Variants in HMGN5 observed in about 807,000 individuals in gnomAD.
The protein encoded by HMGN5 is high mobility group nucleosome binding domain 5.
HMGN5 carries 4 observed loss-of-function variants against 9.5 expected under a neutral mutation model. The observed-to-expected ratio is 0.42, with a 90% CI of 0.21 to 0.96. The LOEUF is 0.96. Among genes scored for constraint, HMGN5 ranks in the 40% least tolerant of loss-of-function variants. The probability of loss-of-function intolerance (pLI) is 0.30; values close to 1 mark genes in which losing one functional copy is unlikely to be tolerated. For missense variants in HMGN5, 192 were observed against 187.5 expected (o/e 1.02, Z -0.14); for synonymous variants, 55 against 57.1 (o/e 0.96, Z 0.16).
intron 5 of HMGN5, 107 bp downstream of exon 5, chrX:81,118,325 A>G: frequency 2.2e-6 from 1 of 456,133 alleles, no homozygotes; most frequent in Admixed American, 4.6e-5. Flanking sequence ...TATATTACTA[A>G]CTGAACAAAA....
intron 1 of HMGN5, among the ~76,000 whole-genome samples, chrX:81,153,587 ATATAT>A (rs2075373666): frequency 2.9e-4 from 1 of 3,393 alleles, no homozygotes; most frequent in African/African-American, 1.1e-3. Context: ...CTCTCTCTAT[ATATAT>A]ATATATATAT....
chrX:81,146,162 C>T (rs890582849), intron 1 of HMGN5, among the ~76,000 whole-genome samples: 2 of 111,754 alleles, frequency 1.8e-5, no homozygotes, highest in Non-Finnish European at 3.8e-5. Flanking sequence ...TAAAAGACAT[C>T]TACAGAACTC....
intron 1 of HMGN5, among the ~76,000 whole-genome samples, chrX:81,173,362 A>C (rs1349810636): frequency 9.0e-6 from 1 of 111,420 alleles, no homozygotes; most frequent in African/African-American, 3.2e-5. Flanking sequence ...TTGCTTTTAC[A>C]TAAAGAAACA....
intron 1 of HMGN5, among the ~76,000 whole-genome samples, chrX:81,140,063 G>C (rs1396313277): frequency 1.8e-5 from 2 of 111,914 alleles, no homozygotes; most frequent in African/African-American, 3.2e-5. Context: ...AGGCTGCATA[G>C]CTGGCAGTCT....
Position 81,114,483 on chromosome X carries a change from C to G in HMGN5, c.*166G>C, listed in dbSNP as rs2075246523. Reference sequence around the variant, plus strand: ...TCACAAAATTTATAGATAAATGTTTCATGTTAGAAACTTTATGGCTAATAA... The same window carrying G: ...TCACAAAATTTATAGATAAATGTTTGATGTTAGAAACTTTATGGCTAATAA... On this transcript the variant is annotated 3_prime_UTR_variant, in exon 7 of 7. Coordinates refer to ENST00000358130, the MANE Select transcript of HMGN5 (RefSeq NM_030763.3). 4.7e-6 allele frequency: 2 copies of G among 429,413 alleles called. No homozygotes were observed. The highest frequency in any genetic ancestry group is 5.5e-5 in the Admixed American group (1 of 18,049). 35.4% of individuals were successfully genotyped at this position (429,413 alleles called of 1,213,427 possible). A position where few individuals can be genotyped will look rare whatever the true frequency, so the allele number is the denominator to read the frequency against.
intron 1 of HMGN5, among the ~76,000 whole-genome samples, chrX:81,191,413 T>C (rs1402729967): frequency 8.9e-6 from 1 of 112,269 alleles, no homozygotes; most frequent in Non-Finnish European, 1.9e-5. Flanking sequence ...GCTTTTTATA[T>C]ACATCTTTTA....
chrX:81,129,543 T>C (rs1053898228), intron 1 of HMGN5, among the ~76,000 whole-genome samples: 2 of 111,240 alleles, frequency 1.8e-5, no homozygotes, highest in African/African-American at 3.3e-5. Flanking sequence ...TTTTATGTAG[T>C]CTTATTATTT....
chrX:81,192,722 G>A (rs777097397), intron 1 of HMGN5, among the ~76,000 whole-genome samples: 1 of 111,898 alleles, frequency 8.9e-6, no homozygotes, highest in Non-Finnish European at 1.9e-5. Flanking sequence ...GTTTGTAAGG[G>A]ATATTTTTGT....
chrX:81,147,215 A>G (rs998634721), intron 1 of HMGN5, among the ~76,000 whole-genome samples: 3 of 111,694 alleles, frequency 2.7e-5, no homozygotes, highest in Admixed American at 9.5e-5. Flanking sequence ...ATAGGACAGT[A>G]CCCTTAGTGA....
chrX:81,119,751 G>T (rs759606559), intron 3 of HMGN5, 37 bp downstream of exon 3: 9 of 1,165,621 alleles, frequency 7.7e-6, no homozygotes, highest in Non-Finnish European at 1.1e-5. Flanking sequence ...AAAACGAGTG[G>T]TTTTTCCTAA....
intron 1 of HMGN5, among the ~76,000 whole-genome samples, chrX:81,137,997 C>T (rs1185744054): frequency 1.8e-5 from 2 of 111,567 alleles, no homozygotes; most frequent in African/African-American, 3.2e-5. Context: ...ATCTCAACCA[C>T]GATGAATAAT....
intron 1 of HMGN5, among the ~76,000 whole-genome samples, chrX:81,149,820 T>C (rs1160184206): frequency 8.9e-6 from 1 of 111,994 alleles, no homozygotes; most frequent in Non-Finnish European, 1.9e-5. Flanking sequence ...AGATGGTTAC[T>C]ATATAATCAT....
At chrX:81,174,331 G>A (rs1009624804) in intron 1 of HMGN5, among the ~76,000 whole-genome samples, 14 of 111,199 alleles carry the variant, frequency 1.3e-4, no homozygotes, top group Non-Finnish European at 2.3e-4. Flanking sequence ...ACTGATAAGG[G>A]TAGAATAACA....
intron 2 of HMGN5, among the ~76,000 whole-genome samples, chrX:81,121,275 T>TA (rs2075267557): frequency 1.8e-5 from 2 of 110,094 alleles, no homozygotes; most frequent in African/African-American, 6.6e-5. Flanking sequence ...TGGCTGTTTG[T>TA]AATTCAGCAT....
intron 1 of HMGN5, among the ~76,000 whole-genome samples, chrX:81,180,305 C>A (rs1040640777): frequency 8.1e-5 from 9 of 111,483 alleles, no homozygotes; most frequent in African/African-American, 2.9e-4. Context: ...ATCTACCCAT[C>A]TGATGAAGGC....
intron 1 of HMGN5, among the ~76,000 whole-genome samples, chrX:81,122,586 T>G (rs1302836106): frequency 8.9e-6 from 1 of 111,834 alleles, no homozygotes; most frequent in Admixed American, 9.5e-5. Flanking sequence ...CTGTCTTTAT[T>G]TAAATTTTTG....
At chrX:81,152,830 T>A (rs1418774619) in intron 1 of HMGN5, among the ~76,000 whole-genome samples, 1 of 108,265 alleles carries the variant, frequency 9.2e-6, no homozygotes, top group Non-Finnish European at 1.9e-5. Context: ...AAATGATGAG[T>A]TCATGTCCTT....
Position 81,150,329 on chromosome X carries a change from C to T in HMGN5, c.-123-28657G>A, listed in dbSNP as rs149520648. On this transcript the variant is annotated intron_variant, in intron 1 of 6. Coordinates refer to ENST00000358130, the MANE Select transcript of HMGN5 (RefSeq NM_030763.3). ...CTGTAACCCCAGCACTTTGGGAGGC[C>T]GAGGCGGGTGGATCACCTGAGGTCA... is the stretch of plus-strand genomic sequence containing the variant. Among the ~76,000 whole-genome samples, 1,084 of 111,282 alleles carry T rather than the reference C, an allele frequency of 9.7e-3. 9 individuals carry two copies. Among genetic ancestry groups the T allele is most frequent in the Middle Eastern group, 0.028 (6 of 216 alleles).
intron 1 of HMGN5, among the ~76,000 whole-genome samples, chrX:81,150,569 A>C (rs778432101): frequency 8.9e-6 from 1 of 112,085 alleles, no homozygotes; most frequent in African/African-American, 3.2e-5. Flanking sequence ...TCTGTCTTGC[A>C]AAACAAAACA....
Sources: gnomAD v4.1 joint callset for allele counts (sites outside exome capture counted in the v4.1 genomes callset) on GRCh38, gnomAD v4.1.1 for gene constraint, MANE v1.5 for transcripts, NCBI Gene and HGNC (gene_info 2026-07-23, HGNC 2026-07-21) for gene names.